Variants in CNBD1 observed in about 807,000 individuals in gnomAD.
CNBD1 encodes cyclic nucleotide binding domain containing 1, also known as cyclic nucleotide-binding domain-containing protein 1.
In CNBD1, 71 loss-of-function variants were observed where a neutral mutation model predicts 54.4. The observed-to-expected ratio is 1.30, with a 90% CI of 1.08 to 1.59. CNBD1 has a LOEUF of 1.59. Ranked by LOEUF, CNBD1 falls within the 40% of genes most tolerant of loss-of-function variation. CNBD1 has a pLI of 0.00. For synonymous variants in CNBD1, 182 were observed against 170.7 expected (o/e 1.07, Z -0.51); for missense variants, 659 against 518.0 (o/e 1.27, Z -2.64).
chr8:86,878,378 A>C (rs1808556611), intron 1 of CNBD1, among the ~76,000 whole-genome samples: 1 of 152,114 alleles, frequency 6.6e-6, no homozygotes, highest in Non-Finnish European at 1.5e-5. Flanking sequence ...TTGTATGTTA[A>C]TGTTGAACAC....
intron 8 of CNBD1, among the ~76,000 whole-genome samples, chr8:87,303,317 C>T (rs1809056299): frequency 6.6e-6 from 1 of 151,902 alleles, no homozygotes; most frequent in African/African-American, 2.4e-5. Flanking sequence ...GAACAGAGCC[C>T]TCAGAAATAA....
rs565054705 is a variant in CNBD1, at chr8:87,304,700, A to G, written c.1042+18029A>G. Among the ~76,000 whole-genome samples the G allele has an allele frequency of 5.9e-5, 9 of 152,294 alleles. No individual in the cohort carries two copies. The East Asian group carries it at 1.7e-3, about 29-fold the overall frequency. Reference sequence around the variant, plus strand: ...AATAGATGCAGAAAAAGCATTCAACAAAATCCAGCATTACTTTATTATTAA... The same window carrying G: ...AATAGATGCAGAAAAAGCATTCAACGAAATCCAGCATTACTTTATTATTAA... On this transcript the variant is annotated intron_variant, in intron 8 of 10. Coordinates refer to ENST00000518476, the MANE Select transcript of CNBD1 (RefSeq NM_173538.3).
rs1807887657 is a variant in CNBD1, at chr8:86,960,068, A to G, written c.431+20314A>G. Among the ~76,000 whole-genome samples the G allele has an allele frequency of 2.0e-5, 3 of 152,256 alleles. No individual in the cohort carries two copies. The South Asian group carries it at 6.2e-4, about 32-fold the overall frequency. On this transcript the variant is annotated intron_variant, in intron 4 of 10. Coordinates refer to ENST00000518476, the MANE Select transcript of CNBD1 (RefSeq NM_173538.3). Reference sequence around the variant, plus strand: ...AGCTCCAGTCTACAGCTCCCAGTGTAAGCAATGCACAAGATGGGTGATTTG... The same window carrying G: ...AGCTCCAGTCTACAGCTCCCAGTGTGAGCAATGCACAAGATGGGTGATTTG...
chr8:87,330,445 C>A (rs941727069), intron 8 of CNBD1, among the ~76,000 whole-genome samples: 2 of 151,900 alleles, frequency 1.3e-5, no homozygotes, highest in African/African-American at 4.8e-5. Context: ...CCCCTCTAAG[C>A]ATGGATTTTG....
chr8:87,219,862 T>G (rs1261473533), intron 5 of CNBD1, among the ~76,000 whole-genome samples: 1 of 151,938 alleles, frequency 6.6e-6, no homozygotes, highest in Non-Finnish European at 1.5e-5. Context: ...CTTCACATAC[T>G]TCTTAATATT....
intron 4 of CNBD1, among the ~76,000 whole-genome samples, chr8:87,047,417 TC>T (rs1810218443): frequency 6.6e-6 from 1 of 152,188 alleles, no homozygotes; most frequent in African/African-American, 2.4e-5. Context: ...AGCAAATTGT[TC>T]AGGGAAAACC....
rs2130803642 is a variant in CNBD1 at position 87,214,197 on chromosome 8, T to C, written c.577+8059T>C. ...ATCAGAATGCAAATTTTTTGAATTGTTATGCTCTGTTTTCCTTTTAAAACT... is the reference window on the plus strand; with the variant it reads ...ATCAGAATGCAAATTTTTTGAATTGCTATGCTCTGTTTTCCTTTTAAAACT... On this transcript the variant is annotated intron_variant, in intron 5 of 10. Transcript: ENST00000518476. Among the ~76,000 whole-genome samples, 2 of 152,310 alleles carry C rather than the reference T, an allele frequency of 1.3e-5. 1 individual carries two copies. Among genetic ancestry groups the C allele is most frequent in the South Asian group, 4.1e-4 (2 of 4,820 alleles).
intron 4 of CNBD1, among the ~76,000 whole-genome samples, chr8:87,155,613 G>A (rs554933126): frequency 2.6e-5 from 4 of 152,160 alleles, no homozygotes; most frequent in Non-Finnish European, 5.9e-5. Context: ...AATAGAGCTG[G>A]TTTGCATTAA....
chr8:87,104,148 T>C (rs897593593), intron 4 of CNBD1, among the ~76,000 whole-genome samples: 1 of 152,234 alleles, frequency 6.6e-6, no homozygotes, highest in Non-Finnish European at 1.5e-5. Flanking sequence ...TAATAAACTA[T>C]GTTGAAAGGT....
intron 4 of CNBD1, among the ~76,000 whole-genome samples, chr8:86,975,534 C>T (rs2086192566): frequency 6.6e-6 from 1 of 151,934 alleles, no homozygotes; most frequent in African/African-American, 2.4e-5. Context: ...TCTACATTCA[C>T]CTATGTTGTT....
intron 4 of CNBD1, among the ~76,000 whole-genome samples, chr8:87,097,620 T>C (rs1811346225): frequency 6.6e-6 from 1 of 152,224 alleles, no homozygotes; most frequent in Non-Finnish European, 1.5e-5. Flanking sequence ...ATTTTGACTT[T>C]GTTCTTCATT....
chr8:87,030,867 T>TCCTCCCCTCTCCTCCTTCC (rs1351498798), intron 4 of CNBD1, among the ~76,000 whole-genome samples: 2 of 49,890 alleles, frequency 4.0e-5, no homozygotes, highest in Non-Finnish European at 7.3e-5. Flanking sequence ...CTCCTCCCTC[T>TCCTCCCCTCTCCTCCTTCC]CCTCCCCTCT....
At chr8:86,952,248 T>C (rs1315892255) in intron 4 of CNBD1, among the ~76,000 whole-genome samples, 1 of 152,166 alleles carries the variant, frequency 6.6e-6, no homozygotes. Flanking sequence ...TTGTCAAGAC[T>C]TCCTGAGGCT....
intron 6 of CNBD1, among the ~76,000 whole-genome samples, chr8:87,261,234 GA>G (rs1402446955): frequency 6.6e-6 from 1 of 152,044 alleles, no homozygotes; most frequent in Non-Finnish European, 1.5e-5. Context: ...CAAATCTGTG[GA>G]GCTCCAAAAT....
intron 5 of CNBD1, among the ~76,000 whole-genome samples, chr8:87,206,628 GA>G (rs1813981639): frequency 6.6e-6 from 1 of 152,026 alleles, no homozygotes; most frequent in African/African-American, 2.4e-5. Flanking sequence ...CAGATATAGG[GA>G]AAAAAGCCTC....
chr8:87,152,522 A>G (rs557080118), intron 4 of CNBD1, among the ~76,000 whole-genome samples: 3 of 152,034 alleles, frequency 2.0e-5, no homozygotes, highest in East Asian at 3.9e-4. Context: ...AGTTAAAGTC[A>G]TCCTGGGCTG....
At chr8:87,273,908 G>C (rs1387390322) in intron 6 of CNBD1, among the ~76,000 whole-genome samples, 1 of 150,112 alleles carries the variant, frequency 6.7e-6, no homozygotes, top group African/African-American at 2.4e-5. Context: ...ATCTCCCAAT[G>C]CTATCCCTCA....
At chr8:87,325,584 T>G (rs1809649648) in intron 8 of CNBD1, among the ~76,000 whole-genome samples, 1 of 134,790 alleles carries the variant, frequency 7.4e-6, no homozygotes, top group Non-Finnish European at 1.6e-5. Context: ...TTTTGATCTT[T>G]GTTGGTTTCA....
chr8:87,178,851 T>A (rs922770696), intron 4 of CNBD1, among the ~76,000 whole-genome samples: 1 of 152,160 alleles, frequency 6.6e-6, no homozygotes, highest in Non-Finnish European at 1.5e-5. Context: ...AGAACCAAGA[T>A]CTTGAACATT....
Sources: allele counts gnomAD v4.1 joint callset (sites outside exome capture counted in the v4.1 genomes callset), GRCh38; gene constraint gnomAD v4.1.1; transcripts MANE v1.5; gene names NCBI Gene and HGNC (gene_info 2026-07-23, HGNC 2026-07-21).